Variants in TRIM37 observed in about 807,000 individuals in gnomAD.
The protein encoded by TRIM37 is E3 ubiquitin-protein ligase TRIM37.
TRIM37 carries 80 observed loss-of-function variants against 129.8 expected under a neutral mutation model. The ratio of observed to expected loss-of-function variants is 0.62; its 90% CI spans 0.51 to 0.74. The LOEUF is 0.74. TRIM37 is among the 30% of genes least tolerant of loss of function. The pLI, the probability that TRIM37 is intolerant of heterozygous loss-of-function variation, is 0.00. For synonymous variants in TRIM37, 389 were observed against 387.1 expected (o/e 1.00, Z -0.06); for missense variants, 1,054 against 1,176.5 (o/e 0.90, Z 1.52).
chr17:58,974,914 A>T, the TRIM37 span, among the ~76,000 whole-genome samples: 1 of 152,190 alleles, frequency 6.6e-6, no homozygotes, highest in Non-Finnish European at 1.5e-5. Context: ...AAAAATTGAG[A>T]TTTGGCTTGA....
At position 59,081,937 on chromosome 17, in the gene TRIM37, CAAAAA is replaced by C. The variant is rs1157296161; in HGVS notation, c.370-723_370-719del. On this transcript the variant is annotated intron_variant, in intron 5 of 23. Transcript: ENST00000262294. ...ATAATAATTTTTTAATAATAAAAACCAAAAAAAAAAAAAAATAAAAAAAAAAAAAT... is the reference window on the plus strand; with the variant it reads ...ATAATAATTTTTTAATAATAAAAACCAAAAAAAAAATAAAAAAAAAAAAAT... Among the ~76,000 whole-genome samples the C allele has an allele frequency of 7.1e-3, 345 of 48,896 alleles. 2 individuals carry two copies. The highest frequency in any genetic ancestry group is 0.012 in the Middle Eastern group (1 of 82). The allele number at this position is 48,896 out of a possible 152,430, so 32.1% of individuals were successfully genotyped here.
intron 3 of TRIM37, among the ~76,000 whole-genome samples, chr17:59,090,505 T>G (rs548660655): frequency 7.9e-5 from 12 of 152,304 alleles, no homozygotes; most frequent in African/African-American, 2.9e-4. Context: ...TCTGAAAGTA[T>G]TATTAAGTGA....
At chr17:59,016,246 T>C (rs910181003) in intron 20 of TRIM37, among the ~76,000 whole-genome samples, 1 of 150,468 alleles carries the variant, frequency 6.6e-6, no homozygotes, top group African/African-American at 2.4e-5. Flanking sequence ...ATACAAAAAT[T>C]AGCCAGGCGT....
chr17:59,042,987 G>A (rs1242876331), intron 16 of TRIM37, among the ~76,000 whole-genome samples: 1 of 151,748 alleles, frequency 6.6e-6, no homozygotes, highest in Non-Finnish European at 1.5e-5. Context: ...ATGGCAATAA[G>A]CTTAAAACAC....
intron 14 of TRIM37, among the ~76,000 whole-genome samples, chr17:59,050,997 A>G (rs1289116463): frequency 6.6e-6 from 1 of 152,130 alleles, no homozygotes; most frequent in East Asian, 1.9e-4. Flanking sequence ...ATAAATAAAT[A>G]AAGTAAAATA....
chr17:59,081,073 AT>A lies in TRIM37; in HGVS notation c.492+23del, dbSNP rs756754246. On this transcript the variant is annotated intron_variant, in intron 6 of 23. Coordinates refer to ENST00000262294, the MANE Select transcript of TRIM37 (RefSeq NM_015294.6). Reference sequence around the variant, plus strand: ...TATATTACAGATTAAAAACAAAATAATTATATTTTAGTAGTAGTCTTACCAC... The same window carrying A: ...TATATTACAGATTAAAAACAAAATAATATATTTTAGTAGTAGTCTTACCAC... 2.7e-6 allele frequency: 4 copies of A among 1,506,608 alleles called. 1 individual carries two copies. In the South Asian group the frequency reaches 5.1e-5, roughly 19 times the overall value. The allele number at this position is 1,506,608 out of a possible 1,614,324, so 93.3% of individuals were successfully genotyped here. A position where few individuals can be genotyped will look rare whatever the true frequency, so the allele number is the denominator to read the frequency against.
intron 22 of TRIM37, among the ~76,000 whole-genome samples, chr17:59,002,924 T>C (rs2033968087): frequency 6.6e-6 from 1 of 152,204 alleles, no homozygotes; most frequent in African/African-American, 2.4e-5. Context: ...TCTCACTCTG[T>C]TACCCAGGCT....
At chr17:59,034,560 T>C (rs533511306) in intron 17 of TRIM37, among the ~76,000 whole-genome samples, 3 of 152,032 alleles carry the variant, frequency 2.0e-5, no homozygotes, top group South Asian at 2.1e-4. Flanking sequence ...GGTTTCTCCA[T>C]GTTGGTTAGG....
At chr17:58,982,914 C>A (rs1382970658) in exon 25 of TRIM37, 2 of 1,575,984 alleles carry the variant, frequency 1.3e-6, no homozygotes, top group Non-Finnish European at 1.7e-6. Flanking sequence ...AGTTTCAAAT[C>A]AAATTATCTA....
intron 1 of TRIM37, 125 bp downstream of exon 1, chr17:59,106,316 C>A: frequency 8.6e-7 from 1 of 1,167,512 alleles, no homozygotes; most frequent in East Asian, 2.5e-5. Context: ...GGCCAGCCCT[C>A]TCCACAGCGG....
At chr17:58,992,318 T>C (rs1277759368) in intron 24 of TRIM37, among the ~76,000 whole-genome samples, 1 of 98,404 alleles carries the variant, frequency 1.0e-5, no homozygotes, top group Non-Finnish European at 2.1e-5. Flanking sequence ...TAAATACATA[T>C]GTAAATATAT....
At chr17:59,085,868 G>A (rs2043704397) in intron 4 of TRIM37, among the ~76,000 whole-genome samples, 1 of 152,110 alleles carries the variant, frequency 6.6e-6, no homozygotes, top group African/African-American at 2.4e-5. Context: ...CCCTTAAAAA[G>A]GTGGGAAATT....
intron 24 of TRIM37, among the ~76,000 whole-genome samples, chr17:58,989,818 T>G (rs577559756): frequency 2.1e-4 from 32 of 152,048 alleles, no homozygotes; most frequent in African/African-American, 7.7e-4. Flanking sequence ...AGAAGAAATA[T>G]TCGAAGAGAT....
At chr17:59,011,136 T>A (rs1294104288) in intron 22 of TRIM37, among the ~76,000 whole-genome samples, 1 of 149,768 alleles carries the variant, frequency 6.7e-6, no homozygotes, top group Non-Finnish European at 1.5e-5. Flanking sequence ...GCCACTGCAC[T>A]CCAGACTGGG....
intron 9 of TRIM37, among the ~76,000 whole-genome samples, chr17:59,069,835 G>C (rs1164307864): frequency 6.6e-6 from 1 of 152,144 alleles, no homozygotes; most frequent in Non-Finnish European, 1.5e-5. Flanking sequence ...AAGAGAAAGA[G>C]ACACCAGAGA....
chr17:58,998,904 AT>A lies in TRIM37; in HGVS notation c.*472del, dbSNP rs1298097823. ...ACAGGGCAGAATCTCTTCCAAAGCA[AT>A]TTTCTGTTCACTAATCTACAGGCAC... On this transcript the variant is annotated 3_prime_UTR_variant, in exon 24 of 24. Transcript: ENST00000262294. 12 of 1,016,622 alleles carry A rather than the reference AT, an allele frequency of 1.2e-5. No individual in the cohort carries two copies. The highest frequency in any genetic ancestry group is 1.3e-5 in the Non-Finnish European group (11 of 848,292). The allele number at this position is 1,016,622 out of a possible 1,614,324, so 63.0% of individuals were successfully genotyped here.
chr17:59,034,094 G>A (rs1163894113), intron 17 of TRIM37, among the ~76,000 whole-genome samples: 3 of 150,518 alleles, frequency 2.0e-5, no homozygotes, highest in African/African-American at 7.3e-5. Flanking sequence ...TTGACAGAGT[G>A]AGACTCCATC....
chr17:58,985,086 G>T (rs977791770), intron 24 of TRIM37: 1 of 152,596 alleles, frequency 6.6e-6, no homozygotes, highest in African/African-American at 2.4e-5. Flanking sequence ...AGTCATGAGT[G>T]ATCCTTCATA....
At chr17:59,106,354 G>C in intron 1 of TRIM37, 87 bp downstream of exon 1, 1 of 1,539,750 alleles carries the variant, frequency 6.5e-7, no homozygotes, top group Non-Finnish European at 8.9e-7. Flanking sequence ...TGCCCTACTG[G>C]AGGGAGGACA....
Sources: allele counts gnomAD v4.1 joint callset (sites outside exome capture counted in the v4.1 genomes callset), GRCh38; gene constraint gnomAD v4.1.1; transcripts MANE v1.5; gene names NCBI Gene and HGNC (gene_info 2026-07-23, HGNC 2026-07-21).